The following KLF12 variants were observed in gnomAD, a reference collection of about 807,000 sequenced individuals.
KLF12 encodes the protein KLF transcription factor 12, also known as Krueppel-like factor 12.
A neutral mutation model predicts 37.8 loss-of-function variants in KLF12; 9 were observed. The observed-to-expected ratio is 0.24, with a 90% CI of 0.14 to 0.42. KLF12 has a LOEUF of 0.42. Ranked by LOEUF, KLF12 falls within the 10% of genes least tolerant of loss-of-function variation. The pLI is 1.00. For missense variants in KLF12, 411 were observed against 516.0 expected (o/e 0.80, Z 1.97); for synonymous variants, 208 against 202.1 (o/e 1.03, Z -0.25).
At chr13:73,899,806 C>A (rs1230808808) in intron 3 of KLF12, among the ~76,000 whole-genome samples, 1 of 152,122 alleles carries the variant, frequency 6.6e-6, no homozygotes, top group African/African-American at 2.4e-5. Context: ...CCCCAAATTC[C>A]CTGGTTCTTG....
chr13:73,812,492 T>C (rs1363457426), intron 5 of KLF12, among the ~76,000 whole-genome samples: 1 of 151,966 alleles, frequency 6.6e-6, no homozygotes, highest in East Asian at 1.9e-4. Context: ...TTTAAGTATA[T>C]AAAGTTTAAT....
chr13:73,735,901 C>A (rs77585518), intron 6 of KLF12, among the ~76,000 whole-genome samples: 1 of 151,814 alleles, frequency 6.6e-6, no homozygotes, highest in African/African-American at 2.4e-5. Flanking sequence ...ATTTTGAATG[C>A]TGCGACCAAG....
chr13:73,751,773 G>A (rs1566342021), intron 6 of KLF12, among the ~76,000 whole-genome samples: 2 of 152,114 alleles, frequency 1.3e-5, no homozygotes, highest in Non-Finnish European at 2.9e-5. Context: ...CATATATTAA[G>A]ACGTATTTAT....
chr13:74,239,349 C>T, the KLF12 span, among the ~76,000 whole-genome samples: 3 of 141,466 alleles, frequency 2.1e-5, no homozygotes, highest in East Asian at 6.1e-4. Context: ...CTGAGGAGAG[C>T]TTTACTTCCC....
chr13:73,957,894 AAACACAGGTTTAAACGTTGG>A (rs1421389567), intron 2 of KLF12, among the ~76,000 whole-genome samples: 1 of 152,206 alleles, frequency 6.6e-6, no homozygotes, highest in African/African-American at 2.4e-5. Flanking sequence ...GTAGGGCAAG[AAACACAGGTTTAAACGTTGG>A]ATCCTTTCTA....
At chr13:73,989,510 C>T (rs1037800967) in intron 2 of KLF12, among the ~76,000 whole-genome samples, 1 of 152,146 alleles carries the variant, frequency 6.6e-6, no homozygotes, top group Non-Finnish European at 1.5e-5. Context: ...TTCATGCGCT[C>T]CCTCATGACG....
chr13:73,738,119 A>ATATATG (rs1877641985), intron 6 of KLF12, among the ~76,000 whole-genome samples: 1 of 64,768 alleles, frequency 1.5e-5, no homozygotes, highest in Admixed American at 1.4e-4. Context: ...ATATATATAT[A>ATATATG]TATATACACA....
chr13:74,073,875 A>C (rs1358867886), intron 1 of KLF12, among the ~76,000 whole-genome samples: 10 of 152,238 alleles, frequency 6.6e-5, no homozygotes, highest in Non-Finnish European at 1.5e-4. Flanking sequence ...GGTCGCATAC[A>C]TAAATTTAAT....
At chr13:74,259,144 T>C in the KLF12 span, 1 of 152,312 alleles carries the variant, frequency 6.6e-6, no homozygotes, top group East Asian at 1.9e-4. Context: ...TCACAGATGC[T>C]TGTGGTAGGT....
chr13:73,900,135 G>A (rs1025985927), intron 3 of KLF12, among the ~76,000 whole-genome samples: 7 of 152,112 alleles, frequency 4.6e-5, no homozygotes, highest in Non-Finnish European at 7.4e-5. Context: ...ATCACTTCAC[G>A]TTTATATTAA....
chr13:73,939,696 C>T (rs1180204422), intron 3 of KLF12, among the ~76,000 whole-genome samples: 1 of 152,144 alleles, frequency 6.6e-6, no homozygotes, highest in East Asian at 1.9e-4. Flanking sequence ...GGCAGGCAGG[C>T]TCCTGTGAAG....
At chr13:73,939,907 C>A (rs1319014560) in intron 3 of KLF12, among the ~76,000 whole-genome samples, 1 of 152,112 alleles carries the variant, frequency 6.6e-6, no homozygotes, top group Non-Finnish European at 1.5e-5. Flanking sequence ...TCTGTCTCAC[C>A]CCTTGCTCCT....
At chr13:74,019,808 A>G (rs974161060) in intron 1 of KLF12, among the ~76,000 whole-genome samples, 8 of 152,256 alleles carry the variant, frequency 5.3e-5, no homozygotes, top group African/African-American at 1.9e-4. Context: ...GAACCTCTGT[A>G]ACAGTAACAT....
At chr13:74,282,296 TGCACACTTAA>T in the KLF12 span, among the ~76,000 whole-genome samples, 1 of 152,260 alleles carries the variant, frequency 6.6e-6, no homozygotes, top group Admixed American at 6.5e-5. Context: ...CTGAAGATTC[TGCACACTTAA>T]GCAGGTAGTA....
chr13:74,040,424 A>T (rs1314927921), intron 1 of KLF12, among the ~76,000 whole-genome samples: 3 of 152,178 alleles, frequency 2.0e-5, no homozygotes, highest in African/African-American at 7.2e-5. Context: ...TAGTGGATGC[A>T]CTGGCCATCT....
intron 3 of KLF12, among the ~76,000 whole-genome samples, chr13:73,859,889 G>A (rs1173577689): frequency 6.6e-6 from 1 of 151,904 alleles, no homozygotes; most frequent in African/African-American, 2.4e-5. Flanking sequence ...AGAAAAATCA[G>A]CTCACCACAA....
chr13:73,846,224 C>T lies in KLF12; in HGVS notation c.273G>A (p.Thr91=), dbSNP rs138562894. Reference sequence around the variant, plus strand: ...GGGAGGATGAAACGGCAGTAGGGGACGTCCTGGCTTTGTTTATTGACAAGT... The same window carrying T: ...GGGAGGATGAAACGGCAGTAGGGGATGTCCTGGCTTTGTTTATTGACAAGT... Residue 91 remains threonine, a synonymous_variant, in exon 4 of 8, where the codon ACG becomes ACA. Transcript: ENST00000377669. 8.8e-4 allele frequency: 1,423 copies of T among 1,614,074 alleles called. 1 individual carries two copies. The highest frequency in any genetic ancestry group is 1.1e-3 in the Non-Finnish European group (1,310 of 1,179,978).
chr13:73,980,032 A>T (rs996079288), intron 2 of KLF12, among the ~76,000 whole-genome samples: 1 of 152,200 alleles, frequency 6.6e-6, no homozygotes, highest in Non-Finnish European at 1.5e-5. Context: ...CTGAGACCTT[A>T]TCTTGGACTT....
chr13:73,970,104 A>G (rs1286277624), intron 2 of KLF12, among the ~76,000 whole-genome samples: 1 of 152,102 alleles, frequency 6.6e-6, no homozygotes, highest in African/African-American at 2.4e-5. Flanking sequence ...GTATCAAACT[A>G]GGTCAATCCA....
Sources: gnomAD v4.1 joint callset for allele counts (sites outside exome capture counted in the v4.1 genomes callset) on GRCh38, gnomAD v4.1.1 for gene constraint, MANE v1.5 for transcripts, NCBI Gene and HGNC (gene_info 2026-07-23, HGNC 2026-07-21) for gene names.